Variants in GRM7 observed in about 807,000 individuals in gnomAD.
GRM7 encodes metabotropic glutamate receptor 7.
GRM7 carries 35 observed loss-of-function variants against 84.5 expected under a neutral mutation model. That is an observed-to-expected ratio of 0.41 (90% CI 0.32 to 0.55). The LOEUF is 0.55. Ranked by LOEUF, GRM7 falls within the 20% of genes least tolerant of loss-of-function variation. GRM7 has a pLI of 0.19. For synonymous variants in GRM7, 487 were observed against 455.1 expected, an observed-to-expected ratio of 1.07 and a Z score of -0.89; for missense variants, 1,003 against 1,194.6, an observed-to-expected ratio of 0.84 and a Z score of 2.36.
intron 2 of GRM7, among the ~76,000 whole-genome samples, chr3:7,228,247 A>G (rs1265680340): frequency 1.3e-5 from 2 of 152,226 alleles, no homozygotes; most frequent in Non-Finnish European, 2.9e-5. Context: ...CATTGCATCA[A>G]TAAATGAAAG....
chr3:6,862,023 C>T lies in GRM7; in HGVS notation c.519+116C>T. The stretch of plus-strand genomic sequence containing the variant: ...AGGTCAGCCTTCGCTCATTTCCTCC[C>T]TGGAGATCCTGCCGAATCCCTCCCA... On this transcript the variant is annotated intron_variant, in intron 1 of 9. Coordinates refer to ENST00000357716, the MANE Select transcript of GRM7 (RefSeq NM_000844.4). This position sits in a 1 kb window ranked among gnomAD's most constrained non-coding sequence, Gnocchi z 5.2. 1.2e-6 allele frequency: 1 copy of T among 809,852 alleles called. No individual in the cohort carries two copies. Among genetic ancestry groups the T allele is most frequent in the South Asian group, 1.8e-5 (1 of 55,844 alleles). 50.2% of individuals were successfully genotyped at this position (809,852 alleles called of 1,614,324 possible). A position where few individuals can be genotyped will look rare whatever the true frequency, so the allele number is the denominator to read the frequency against.
intron 1 of GRM7, among the ~76,000 whole-genome samples, chr3:6,955,451 C>T (rs760486298): frequency 2.6e-5 from 4 of 151,904 alleles, no homozygotes; most frequent in Non-Finnish European, 5.9e-5. Context: ...GCAGGAGAAT[C>T]TCTTGAACCT....
chr3:7,688,503 A>G (rs1225369717), intron 9 of GRM7, among the ~76,000 whole-genome samples: 1 of 152,176 alleles, frequency 6.6e-6, no homozygotes, highest in Non-Finnish European at 1.5e-5. Flanking sequence ...GACTTTAAAC[A>G]TTAATGATAA....
At chr3:7,071,265 T>G (rs897955151) in intron 1 of GRM7, among the ~76,000 whole-genome samples, 7 of 152,020 alleles carry the variant, frequency 4.6e-5, no homozygotes, top group African/African-American at 1.7e-4. Context: ...ATAGAAAGAG[T>G]TGATGGGAAT....
At chr3:7,222,099 G>A (rs113514150) in intron 2 of GRM7, among the ~76,000 whole-genome samples, 49 of 151,638 alleles carry the variant, frequency 3.2e-4, no homozygotes, top group South Asian at 2.7e-3. Context: ...GCGAGCCCCC[G>A]CACCCAGCCA....
At chr3:7,734,207 T>C (rs59441701) in intron 9 of GRM7, among the ~76,000 whole-genome samples, 8,491 of 136,352 alleles carry the variant, frequency 0.062, 860 homozygotes, top group African/African-American at 0.21. Context: ...ACCTCCCTTA[T>C]TCACCATTAG....
chr3:7,043,778 C>T (rs544599081), intron 1 of GRM7, among the ~76,000 whole-genome samples: 3 of 152,256 alleles, frequency 2.0e-5, no homozygotes, highest in African/African-American at 7.2e-5. Context: ...AATGCTTAAC[C>T]ACATCCCCTC....
chr3:7,367,847 G>A lies in GRM7; in HGVS notation c.1034-47176G>A, dbSNP rs114864707. On this transcript the variant is annotated intron_variant, in intron 4 of 9. Coordinates refer to ENST00000357716, the MANE Select transcript of GRM7 (RefSeq NM_000844.4). ...GGGGTCCTGTGGACAGCTGATCCAA[G>A]CATTCATCTGAAACCTTACATTCCA... Among the ~76,000 whole-genome samples the A allele has an allele frequency of 3.9e-3, 584 of 151,034 alleles. 5 individuals are homozygous for A. Among genetic ancestry groups the A allele is most frequent in the African/African-American group, 0.014 (562 of 41,234 alleles).
intron 7 of GRM7, among the ~76,000 whole-genome samples, chr3:7,470,664 G>A (rs1339154191): frequency 2.0e-5 from 3 of 152,088 alleles, no homozygotes; most frequent in East Asian, 3.9e-4. Flanking sequence ...CAGATTCTCT[G>A]TGGAAATTGT....
At chr3:6,933,563 C>A (rs938661295) in intron 1 of GRM7, among the ~76,000 whole-genome samples, 1 of 152,064 alleles carries the variant, frequency 6.6e-6, no homozygotes, top group Non-Finnish European at 1.5e-5. Flanking sequence ...ATGCAACTTG[C>A]AACTTGTTTA....
intron 5 of GRM7, among the ~76,000 whole-genome samples, chr3:7,420,131 T>C (rs1353061799): frequency 6.6e-6 from 1 of 152,190 alleles, no homozygotes; most frequent in East Asian, 1.9e-4. Context: ...GAATAAACCA[T>C]GTATTTCTTA....
intron 2 of GRM7, among the ~76,000 whole-genome samples, chr3:7,238,140 C>G (rs910160447): frequency 6.6e-5 from 10 of 152,192 alleles, no homozygotes; most frequent in African/African-American, 2.4e-4. Flanking sequence ...AGTTATGTGA[C>G]TACCATTCTA....
chr3:7,708,269 GT>G (rs1701460525), intron 9 of GRM7, among the ~76,000 whole-genome samples: 1 of 151,174 alleles, frequency 6.6e-6, no homozygotes, highest in South Asian at 2.1e-4. Context: ...GTAAAGCCTA[GT>G]TTCCTTAAAA....
chr3:7,173,897 T>C (rs796391386), intron 2 of GRM7, among the ~76,000 whole-genome samples: 35 of 152,364 alleles, frequency 2.3e-4, no homozygotes, highest in African/African-American at 8.4e-4. Flanking sequence ...ATTTTTTATT[T>C]TGCTTTTGAT....
intron 1 of GRM7, among the ~76,000 whole-genome samples, chr3:7,104,580 C>T (rs1463649989): frequency 6.6e-6 from 1 of 151,750 alleles, no homozygotes; most frequent in Non-Finnish European, 1.5e-5. Context: ...CAATTTATCT[C>T]TAGCAAAAGT....
At chr3:6,879,933 A>G (rs1695446763) in intron 1 of GRM7, among the ~76,000 whole-genome samples, 1 of 152,180 alleles carries the variant, frequency 6.6e-6, no homozygotes, top group Non-Finnish European at 1.5e-5. Flanking sequence ...GTGTTACAAG[A>G]GAGTTGCAAG....
intron 7 of GRM7, among the ~76,000 whole-genome samples, chr3:7,466,681 G>A (rs547023461): frequency 9.8e-5 from 15 of 152,328 alleles, no homozygotes; most frequent in African/African-American, 3.4e-4. Context: ...CTTAATAGCA[G>A]CTTCCTACAG....
At chr3:7,258,052 AT>A (rs199571731) in intron 2 of GRM7, among the ~76,000 whole-genome samples, 2 of 151,174 alleles carry the variant, frequency 1.3e-5, no homozygotes, top group Non-Finnish European at 3.0e-5. Context: ...TTTGCATCAT[AT>A]TTTTTTTTGA....
At chr3:7,082,039 G>A (rs530141124) in intron 1 of GRM7, among the ~76,000 whole-genome samples, 1 of 152,208 alleles carries the variant, frequency 6.6e-6, no homozygotes, top group East Asian at 1.9e-4. Context: ...TGATATAGAA[G>A]CAGCAGCAAT....
Sources: gnomAD v4.1 joint callset for allele counts (sites outside exome capture counted in the v4.1 genomes callset) on GRCh38, gnomAD v4.1.1 for gene constraint, Gnocchi (gnomAD v3.1) non-coding constraint, MANE v1.5 for transcripts, NCBI Gene and HGNC (gene_info 2026-07-23, HGNC 2026-07-21) for gene names.